Variants in MYCBP2 observed in about 807,000 individuals in gnomAD.
MYCBP2 encodes MYC binding protein 2.
A neutral mutation model predicts 525.3 loss-of-function variants in MYCBP2; 120 were observed. The ratio of observed to expected loss-of-function variants is 0.23; its 90% CI spans 0.20 to 0.27. MYCBP2 has a LOEUF of 0.27. Ranked by LOEUF, MYCBP2 falls within the 10% of genes least tolerant of loss-of-function variation. The pLI is 1.00. For missense variants in MYCBP2, 4,149 were observed against 5,657.1 expected (o/e 0.73, Z 8.55); for synonymous variants, 1,894 against 1,955.8 (o/e 0.97, Z 0.83).
Position 77,096,797 on chromosome 13 carries a change from A to C in MYCBP2, c.9785-316T>G, listed in dbSNP as rs371198339. Among the ~76,000 whole-genome samples, 4 of 152,284 alleles carry C rather than the reference A, an allele frequency of 2.6e-5. No homozygotes were observed. In the East Asian group the frequency reaches 7.7e-4, roughly 29 times the overall value. ...TAGACAATACAAGTATAAAAGTTCT[A>C]TAACAATGATATATTTTCAGAAATC... On this transcript the variant is annotated intron_variant, in intron 56 of 82. Transcript: ENST00000544440.
intron 60 of MYCBP2, 47 bp from the exon 61 acceptor site, chr13:77,089,078 ATATT>A (rs1439706779): frequency 3.8e-6 from 5 of 1,330,292 alleles, no homozygotes; most frequent in African/African-American, 1.5e-5. Flanking sequence ...CAGTGCATAT[ATATT>A]TAAGATAATA....
chr13:77,082,887 T>C (rs2043544755), intron 63 of MYCBP2, 145 bp downstream of exon 63: 2 of 653,124 alleles, frequency 3.1e-6, no homozygotes, highest in Admixed American at 3.5e-5. Flanking sequence ...CTAAAAATTA[T>C]GACTGTAAGG....
intron 35 of MYCBP2, among the ~76,000 whole-genome samples, chr13:77,177,334 C>CTTTTTTTT (rs748460042): frequency 3.3e-5 from 4 of 122,894 alleles, no homozygotes; most frequent in East Asian, 2.2e-4. Context: ...TCTTTTCTTT[C>CTTTTTTTT]TTTTTTTTTT....
At chr13:77,213,332 G>C (rs1242537356) in intron 21 of MYCBP2, among the ~76,000 whole-genome samples, 4 of 152,042 alleles carry the variant, frequency 2.6e-5, no homozygotes, top group Non-Finnish European at 5.9e-5. Context: ...AAAATTAGCT[G>C]GGTGTGGTGG....
chr13:77,115,612 G>A (rs913161017), intron 55 of MYCBP2, among the ~76,000 whole-genome samples: 36 of 150,922 alleles, frequency 2.4e-4, no homozygotes, highest in African/African-American at 7.8e-4. Flanking sequence ...CTAAAGAAAA[G>A]GTATCAAAAA....
At chr13:77,225,602 T>C in intron 18 of MYCBP2, 48 bp from the exon 19 acceptor site, 1 of 1,600,230 alleles carries the variant, frequency 6.2e-7, no homozygotes, top group Non-Finnish European at 8.5e-7. Flanking sequence ...TTATTCATCT[T>C]CAAAATAAAA....
Position 77,243,788 on chromosome 13 carries a change from ATAATC to A in MYCBP2, c.2527+13_2527+17del, listed in dbSNP as rs1182844071. Reference sequence around the variant, plus strand: ...TGAGGACAACTCAGTGTAGCATAGTATAATCAATCAAAATTACCTAAAAGAAGATC... The same window carrying A: ...TGAGGACAACTCAGTGTAGCATAGTAAATCAAAATTACCTAAAAGAAGATC... On this transcript the variant is annotated intron_variant, in intron 16 of 82. Coordinates refer to ENST00000544440, the MANE Select transcript of MYCBP2 (RefSeq NM_015057.5). 5 of 1,611,584 alleles carry A rather than the reference ATAATC, an allele frequency of 3.1e-6. No individual in the cohort carries two copies. The highest frequency in any genetic ancestry group is 4.2e-6 in the Non-Finnish European group (5 of 1,178,558).
In MYCBP2 at chr13:77,254,325, T is replaced by C. The variant is rs371575235; in HGVS notation, c.2177-2970A>G. Reference sequence around the variant, plus strand: ...GTTAGCTCTGGGGAGAAATGGAATATGATAATAAGCCTTGGAAGGGGGATA... The same window carrying C: ...GTTAGCTCTGGGGAGAAATGGAATACGATAATAAGCCTTGGAAGGGGGATA... On this transcript the variant is annotated intron_variant, in intron 14 of 82. Coordinates refer to ENST00000544440, the MANE Select transcript of MYCBP2 (RefSeq NM_015057.5). Among the ~76,000 whole-genome samples the C allele has an allele frequency of 6.6e-5, 10 of 151,900 alleles. 1 individual carries two copies. In the South Asian group the frequency reaches 1.9e-3, roughly 28 times the overall value.
At chr13:77,243,741 T>C in intron 16 of MYCBP2, 65 bp downstream of exon 16, 2 of 1,413,128 alleles carry the variant, frequency 1.4e-6, no homozygotes, top group Non-Finnish European at 9.5e-7. Context: ...AGAAATTGTT[T>C]AAACTGTCAG....
Position 77,278,866 on chromosome 13 carries a change from T to C in MYCBP2, c.640A>G (p.Thr214Ala). The part of the protein sequence containing the change: ...LCEVFELIKE[T>A]RFSHPSLCLR... The stretch of plus-strand genomic sequence containing the variant: ...CACAGGGATGGATGAGAAAATCGTG[T>C]CTCTTTGATCAATTCAAAAACTTCA... Residue 214 changes from threonine (T) to alanine (A), a missense_variant, in exon 4 of 83, where the codon ACA becomes GCA. This residue lies in a region of MYCBP2 where 413 missense variants were observed against 451.2 expected (regional missense o/e 0.92). Coordinates refer to ENST00000544440, the MANE Select transcript of MYCBP2 (RefSeq NM_015057.5). The C allele has an allele frequency of 6.3e-7, 1 of 1,595,506 alleles. No individual in the cohort carries two copies. The highest frequency in any genetic ancestry group is 8.5e-7 in the Non-Finnish European group (1 of 1,171,504).
chr13:77,326,736 A>AGGC lies in MYCBP2; in HGVS notation c.37_39dup (p.Ala13dup). On this transcript the variant is annotated inframe_insertion, in exon 1 of 83. Transcript: ENST00000544440. The surrounding 1 kb of genome is among the most constrained non-coding windows in gnomAD (Gnocchi z 4.2). ...AATCCGTCCCCGCCGAGCCCCGAGG[A>AGGC]GGCGGCGGCGGGGGAGGCAGTCGCT... 7.1e-7 allele frequency: 1 copy of AGGC among 1,409,770 alleles called. No homozygotes were observed. The highest frequency in any genetic ancestry group is 9.1e-7 in the Non-Finnish European group (1 of 1,095,362). 87.3% of individuals were successfully genotyped at this position (1,409,770 alleles called of 1,614,324 possible).
intron 47 of MYCBP2, among the ~76,000 whole-genome samples, chr13:77,147,334 T>TA (rs552138347): frequency 8.1e-4 from 123 of 151,980 alleles, no homozygotes; most frequent in Middle Eastern, 3.4e-3. Flanking sequence ...TGTTTCTTAA[T>TA]AAAAAAATAA....
chr13:77,174,271 C>T, intron 37 of MYCBP2, 40 bp downstream of exon 37: 1 of 1,595,046 alleles, frequency 6.3e-7, no homozygotes, highest in African/African-American at 1.3e-5. Flanking sequence ...TATGTTCTAC[C>T]ACTGTAAAGT....
chr13:77,100,036 G>T (rs1437170171), intron 55 of MYCBP2: 1 of 152,038 alleles, frequency 6.6e-6, no homozygotes, highest in Non-Finnish European at 1.5e-5. Flanking sequence ...CCAGTTAGTT[G>T]TTAGGAGAAA....
intron 35 of MYCBP2, among the ~76,000 whole-genome samples, chr13:77,177,531 A>C (rs1454786729): frequency 6.6e-6 from 1 of 151,882 alleles, no homozygotes; most frequent in East Asian, 1.9e-4. Flanking sequence ...CATATTGCCT[A>C]GGCTGGCCTT....
intron 36 of MYCBP2, among the ~76,000 whole-genome samples, chr13:77,176,047 C>A (rs2059675373): frequency 6.9e-6 from 1 of 145,384 alleles, no homozygotes; most frequent in Non-Finnish European, 1.5e-5. Context: ...TGAGTTAGGG[C>A]ACAATAAGAG....
At chr13:77,157,142 G>A (rs2057306337) in intron 45 of MYCBP2, among the ~76,000 whole-genome samples, 1 of 152,070 alleles carries the variant, frequency 6.6e-6, no homozygotes, top group Non-Finnish European at 1.5e-5. Flanking sequence ...GCTGGTTGCA[G>A]TGGCACAATC....
intron 49 of MYCBP2, among the ~76,000 whole-genome samples, chr13:77,143,786 T>A (rs1281179423): frequency 6.6e-6 from 1 of 152,202 alleles, no homozygotes. Context: ...TGGTACAGCC[T>A]ATTGGTCTTA....
At chr13:77,070,605 A>C (rs2041038145) in intron 69 of MYCBP2, 26 bp downstream of exon 69, 1 of 1,509,126 alleles carries the variant, frequency 6.6e-7, no homozygotes, top group Non-Finnish European at 9.2e-7. Context: ...AAACTAATGA[A>C]GACAATGAAA....
Sources: gnomAD v4.1 joint callset for allele counts (sites outside exome capture counted in the v4.1 genomes callset) on GRCh38, gnomAD v4.1.1 for gene constraint, gnomAD v4.1.1 regional missense constraint, Gnocchi (gnomAD v3.1) non-coding constraint, MANE v1.5 for transcripts, NCBI Gene and HGNC (gene_info 2026-07-23, HGNC 2026-07-21) for gene names.